SHTN1: variants seen among roughly 807,000 people sequenced by gnomAD.
SHTN1 encodes the protein shootin 1.
Under a neutral mutation model 83.1 loss-of-function variants are expected in SHTN1, and 42 were observed. The observed-to-expected ratio is 0.51, with a 90% CI of 0.39 to 0.65. The LOEUF is 0.65. Among genes scored for constraint, SHTN1 ranks in the 30% least tolerant of loss-of-function variants. SHTN1 has a pLI of 0.00. For synonymous variants in SHTN1, 224 were observed against 247.7 expected (o/e 0.90, Z 0.90); for missense variants, 622 against 737.8 (o/e 0.84, Z 1.82).
intron 1 of SHTN1, among the ~76,000 whole-genome samples, chr10:117,095,336 T>A (rs1183173023): frequency 6.6e-6 from 1 of 152,170 alleles, no homozygotes; most frequent in Non-Finnish European, 1.5e-5. Flanking sequence ...AATGTTTCCA[T>A]CCCCACCTAT....
chr10:117,104,665 T>C (rs530062428), intron 1 of SHTN1, among the ~76,000 whole-genome samples: 7 of 152,154 alleles, frequency 4.6e-5, no homozygotes, highest in African/African-American at 1.7e-4. Context: ...CCCCAGCTAC[T>C]CAGGAGGCTG....
chr10:117,097,025 A>ACATAG (rs1280469490), intron 1 of SHTN1, among the ~76,000 whole-genome samples: 1 of 122,716 alleles, frequency 8.1e-6, no homozygotes, highest in Admixed American at 9.6e-5. Flanking sequence ...ACACACACAC[A>ACATAG]CATAGACACA....
intron 2 of SHTN1, among the ~76,000 whole-genome samples, chr10:117,032,046 A>C (rs1852422962): frequency 7.5e-5 from 1 of 13,396 alleles, no homozygotes; most frequent in Admixed American, 1.9e-3. Context: ...ACTGAAAATA[A>C]AGGGATTAAA....
chr10:117,059,230 A>T (rs1303125112), intron 1 of SHTN1, among the ~76,000 whole-genome samples: 1 of 152,228 alleles, frequency 6.6e-6, no homozygotes, highest in Non-Finnish European at 1.5e-5. Flanking sequence ...GGATATAGAG[A>T]AACTGAATCA....
chr10:117,108,562 TGGGGGGA>T (rs1348485998), intron 1 of SHTN1, among the ~76,000 whole-genome samples: 1 of 57,000 alleles, frequency 1.8e-5, no homozygotes, highest in African/African-American at 7.4e-5. Context: ...TGTCGTGGGG[TGGGGGGA>T]GGGGGGAGGG....
intron 12 of SHTN1, among the ~76,000 whole-genome samples, chr10:116,919,251 A>G (rs1291668863): frequency 6.6e-6 from 1 of 152,236 alleles, no homozygotes; most frequent in Non-Finnish European, 1.5e-5. Context: ...AGTGTGACCT[A>G]TTAACAAGAC....
chr10:116,993,731 AAG>A (rs1478901532), intron 1 of SHTN1, among the ~76,000 whole-genome samples: 1 of 152,160 alleles, frequency 6.6e-6, no homozygotes, highest in Non-Finnish European at 1.5e-5. Context: ...ACAGCAGGAT[AAG>A]AGTTTATACA....
At chr10:117,106,434 G>A (rs947520276) in intron 1 of SHTN1, among the ~76,000 whole-genome samples, 7 of 152,160 alleles carry the variant, frequency 4.6e-5, no homozygotes, top group Non-Finnish European at 1.0e-4. Flanking sequence ...TAGCCTGGGC[G>A]ACAGTGTGAG....
intron 1 of SHTN1, among the ~76,000 whole-genome samples, chr10:117,089,778 GGAATT>G (rs1183916857): frequency 2.0e-5 from 3 of 151,744 alleles, no homozygotes; most frequent in African/African-American, 7.3e-5. Context: ...AATAGGAAAA[GGAATT>G]GAATAGACAT....
chr10:117,043,844 T>C (rs1035761920), intron 2 of SHTN1, among the ~76,000 whole-genome samples: 6 of 151,778 alleles, frequency 4.0e-5, no homozygotes, highest in African/African-American at 1.2e-4. Flanking sequence ...CCTGTCTCAA[T>C]AAATAAATAA....
rs751085650 is a variant in SHTN1, at chr10:116,886,454, C to A, written c.1786G>T (p.Val596Phe). The change falls in exon 17 of 17, where the codon GTT (valine) becomes TTT (phenylalanine). Residue 596 changes from valine (V) to phenylalanine (F), a missense_variant. Val to Phe is a conservative substitution (Grantham distance 50). Transcript: ENST00000355371. ...STHEPQTKDQVAEKDPTQHKE... is the reference protein window; with the variant it reads ...STHEPQTKDQFAEKDPTQHKE... Reference sequence around the variant, plus strand: ...TGTTGAGTTGGATCTTTTTCAGCAACCTGGTCTTTGGTTTGGGGTTCATGT... The same window carrying A: ...TGTTGAGTTGGATCTTTTTCAGCAAACTGGTCTTTGGTTTGGGGTTCATGT... The A allele has an allele frequency of 8.7e-6, 14 of 1,613,516 alleles. No homozygotes were observed. In the South Asian group the frequency reaches 1.5e-4, roughly 18 times the overall value.
intron 15 of SHTN1, among the ~76,000 whole-genome samples, chr10:116,905,208 C>G (rs1046413049): frequency 1.6e-5 from 1 of 63,422 alleles, no homozygotes; most frequent in Non-Finnish European, 3.7e-5. Flanking sequence ...GACTCCGTCT[C>G]AAAAAAAAAA....
intron 2 of SHTN1, among the ~76,000 whole-genome samples, chr10:117,042,788 G>A (rs1852605244): frequency 6.6e-6 from 1 of 151,908 alleles, no homozygotes; most frequent in Non-Finnish European, 1.5e-5. Flanking sequence ...GCTAATTTTT[G>A]TATTTTTAGT....
chr10:117,086,793 C>T (rs1250542723), intron 1 of SHTN1, among the ~76,000 whole-genome samples: 4 of 152,090 alleles, frequency 2.6e-5, no homozygotes, highest in South Asian at 2.1e-4. Context: ...CAAACAGATA[C>T]GTGGACAGCA....
At chr10:117,055,598 T>C (rs183181766) in intron 1 of SHTN1, among the ~76,000 whole-genome samples, 180 of 152,272 alleles carry the variant, frequency 1.2e-3, no homozygotes, top group Non-Finnish European at 2.0e-3. Context: ...CTGGGTGCAG[T>C]GGCTTGCACC....
intron 1 of SHTN1, among the ~76,000 whole-genome samples, chr10:117,054,622 T>C (rs1180806341): frequency 6.6e-6 from 1 of 152,038 alleles, no homozygotes; most frequent in Non-Finnish European, 1.5e-5. Context: ...TTAGCCAGGA[T>C]GGTCTCGATC....
chr10:116,988,307 TACACACAC>T (rs372435695), intron 1 of SHTN1, among the ~76,000 whole-genome samples: 1 of 148,284 alleles, frequency 6.7e-6, no homozygotes, highest in African/African-American at 2.5e-5. Context: ...AAAAAGCTAA[TACACACAC>T]ACACACACAC....
chr10:117,048,430 G>C (rs541782668), intron 2 of SHTN1: 3 of 975,260 alleles, frequency 3.1e-6, no homozygotes, highest in Non-Finnish European at 3.7e-6. Flanking sequence ...ACATCGGCAC[G>C]GTCTTGTTAC....
chr10:116,959,827 T>C (rs1219414941), intron 4 of SHTN1, among the ~76,000 whole-genome samples: 1 of 152,246 alleles, frequency 6.6e-6, no homozygotes. Flanking sequence ...ACCAAATGCA[T>C]GGACATTTGC....
Sources: gnomAD v4.1 joint callset for allele counts (sites outside exome capture counted in the v4.1 genomes callset) on GRCh38, gnomAD v4.1.1 for gene constraint, MANE v1.5 for transcripts, NCBI Gene and HGNC (gene_info 2026-07-23, HGNC 2026-07-21) for gene names.